Variants in LRRC7 observed in about 807,000 individuals in gnomAD.
LRRC7 encodes the protein leucine rich repeat containing 7.
In LRRC7, 23 loss-of-function variants were observed where a neutral mutation model predicts 175.7. That is an observed-to-expected ratio of 0.13 (90% CI 0.09 to 0.19). LRRC7 has a LOEUF of 0.19. LRRC7 is among the 10% of genes least tolerant of loss of function. The probability of loss-of-function intolerance (pLI) is 1.00; values close to 1 mark genes in which losing one functional copy is unlikely to be tolerated. For missense variants in LRRC7, 1,354 were observed against 1,904.7 expected (o/e 0.71, Z 5.38); for synonymous variants, 685 against 680.9 (o/e 1.01, Z -0.09).
Position 70,138,031 on chromosome 1 carries a change from T to C in LRRC7, c.*16144T>C, listed in dbSNP as rs1027339185. ...CAGCGACTGTATAATAAAGTTGAGT[T>C]CAAAAAGTGTATGAATTCAGTTATG... is the stretch of plus-strand genomic sequence containing the variant. On this transcript the variant is annotated 3_prime_UTR_variant, in exon 27 of 27. Transcript: ENST00000651989. 2.0e-5 allele frequency: 3 copies of C among 152,212 alleles called. No homozygotes were observed. Among genetic ancestry groups the C allele is most frequent in the African/African-American group, 7.2e-5 (3 of 41,458 alleles). The allele number at this position is 152,212 out of a possible 1,614,324, so 9.4% of individuals were successfully genotyped here.
At chr1:69,957,236 T>C (rs1489974850) in intron 8 of LRRC7, among the ~76,000 whole-genome samples, 1 of 151,812 alleles carries the variant, frequency 6.6e-6, no homozygotes, top group Non-Finnish European at 1.5e-5. Context: ...ATGAATGAAT[T>C]TTTATTATGA....
intron 2 of LRRC7, among the ~76,000 whole-genome samples, chr1:69,688,059 T>A (rs1321934454): frequency 2.0e-5 from 3 of 152,216 alleles, no homozygotes; most frequent in Non-Finnish European, 4.4e-5. Context: ...CTTTTGACAT[T>A]CTGTTTTCCA....
At chr1:69,956,159 G>A (rs1410190756) in intron 8 of LRRC7, among the ~76,000 whole-genome samples, 2 of 151,852 alleles carry the variant, frequency 1.3e-5, no homozygotes, top group Admixed American at 6.6e-5. Context: ...AAAGTATTTG[G>A]TCAGGTAGAC....
In LRRC7 at chr1:70,018,751, C is replaced by A. The variant is rs1179206792; in HGVS notation, c.1353C>A (p.Ala451=). Residue 451 remains alanine (A), a synonymous_variant, in exon 15 of 27, where the codon GCC becomes GCA. Coordinates refer to ENST00000651989, the MANE Select transcript of LRRC7 (RefSeq NM_001370785.2). ...CCCTTATCCCTTTACAAACAGAAGCCCATCCAGAAACAAAGCAAAGAGTAT... is the reference window on the plus strand; with the variant it reads ...CCCTTATCCCTTTACAAACAGAAGCACATCCAGAAACAAAGCAAAGAGTAT... ...SKALIPLQTE[A]HPETKQRVLT... is the part of the protein sequence containing the mutation. 1.2e-6 allele frequency: 2 copies of A among 1,612,618 alleles called. No homozygotes were observed. Among genetic ancestry groups the A allele is most frequent in the South Asian group, 1.1e-5 (1 of 91,004 alleles).
At chr1:69,879,425 C>T (rs558271280) in intron 7 of LRRC7, among the ~76,000 whole-genome samples, 41 of 152,106 alleles carry the variant, frequency 2.7e-4, no homozygotes, top group Non-Finnish European at 4.7e-4. Context: ...AAGACGGTTT[C>T]TGAGAGGCTA....
chr1:70,029,626 G>T (rs1010188496), intron 18 of LRRC7, among the ~76,000 whole-genome samples: 2 of 151,916 alleles, frequency 1.3e-5, no homozygotes, highest in Non-Finnish European at 2.9e-5. Flanking sequence ...CAAAGATCTC[G>T]CTGCAATATA....
intron 23 of LRRC7, among the ~76,000 whole-genome samples, chr1:70,064,159 C>T (rs966908329): frequency 1.9e-4 from 29 of 151,936 alleles, no homozygotes; most frequent in Admixed American, 6.6e-5. Context: ...ATCTTCCTGC[C>T]CCCTTTATTT....
rs1450563640 is a variant in LRRC7, at chr1:70,054,670, G to T, written c.4230+1525G>T. On this transcript the variant is annotated intron_variant, in intron 23 of 26. Coordinates refer to ENST00000651989, the MANE Select transcript of LRRC7 (RefSeq NM_001370785.2). Reference sequence around the variant, plus strand: ...GCAGTGGCGCGATCTCTGCTCACTTGCTCACTGCAATCTCCACCTCCCAGG... The same window carrying T: ...GCAGTGGCGCGATCTCTGCTCACTTTCTCACTGCAATCTCCACCTCCCAGG... Among the ~76,000 whole-genome samples the T allele has an allele frequency of 2.6e-5, 3 of 117,246 alleles. No homozygotes were observed. The Admixed American group carries it at 3.7e-4, about 14-fold the overall frequency. 76.9% of individuals were successfully genotyped at this position (117,246 alleles called of 152,430 possible).
At chr1:69,708,675 C>T (rs1664341783) in intron 2 of LRRC7, among the ~76,000 whole-genome samples, 1 of 152,164 alleles carries the variant, frequency 6.6e-6, no homozygotes. Context: ...AGTGGTTGTG[C>T]TGATCTCATA....
At position 70,013,472 on chromosome 1, in the gene LRRC7, G is replaced by A. The variant is rs548806649; in HGVS notation, c.1250+383G>A. On this transcript the variant is annotated intron_variant, in intron 13 of 26. Coordinates refer to ENST00000651989, the MANE Select transcript of LRRC7 (RefSeq NM_001370785.2). ...TGTATGCACACATTTGTGTTTTCAC[G>A]TCTATATTTTGGTTTCCAACAAATT... is the stretch of plus-strand genomic sequence containing the variant. Among the ~76,000 whole-genome samples, 7 of 151,906 alleles carry A rather than the reference G, an allele frequency of 4.6e-5. No homozygotes were observed. In the South Asian group the frequency reaches 6.2e-4, roughly 14 times the overall value.
chr1:69,874,434 T>C (rs1195575749), intron 7 of LRRC7: 1 of 152,130 alleles, frequency 6.6e-6, no homozygotes, highest in Non-Finnish European at 1.5e-5. Context: ...GCAAATTCAT[T>C]CTTCATCCCA....
At chr1:69,835,723 A>T (rs1354187030) in intron 6 of LRRC7, among the ~76,000 whole-genome samples, 1 of 152,038 alleles carries the variant, frequency 6.6e-6, no homozygotes, top group Non-Finnish European at 1.5e-5. Flanking sequence ...TTTATGGACA[A>T]GTTTATTGTT....
intron 2 of LRRC7, among the ~76,000 whole-genome samples, chr1:69,729,735 G>C (rs966923721): frequency 1.1e-4 from 16 of 152,158 alleles, no homozygotes; most frequent in Admixed American, 1.0e-3. Flanking sequence ...TGGATCTACT[G>C]TTCTGGGGTC....
intron 2 of LRRC7, among the ~76,000 whole-genome samples, chr1:69,717,816 AAGAAAGAAAG>A (rs1665627286): frequency 2.0e-5 from 1 of 51,018 alleles, no homozygotes; most frequent in Admixed American, 2.2e-4. Context: ...GAAAGAAAGA[AAGAAAGAAAG>A]AAAGAAAGAA....
At chr1:69,644,961 G>GA (rs1654793966) in intron 1 of LRRC7, among the ~76,000 whole-genome samples, 1 of 151,780 alleles carries the variant, frequency 6.6e-6, no homozygotes, top group Non-Finnish European at 1.5e-5. Flanking sequence ...GTCTAGAATA[G>GA]AAAAAAATTT....
intron 22 of LRRC7, among the ~76,000 whole-genome samples, chr1:70,050,768 T>C (rs538517945): frequency 6.6e-6 from 1 of 152,164 alleles, no homozygotes; most frequent in South Asian, 2.1e-4. Flanking sequence ...AATATGCACA[T>C]GATTCTCTTT....
intron 18 of LRRC7, among the ~76,000 whole-genome samples, chr1:70,032,289 G>C (rs1167993594): frequency 1.3e-5 from 2 of 151,972 alleles, no homozygotes; most frequent in African/African-American, 4.8e-5. Flanking sequence ...AGAATCAAGG[G>C]GTAGGGCTTT....
chr1:69,916,101 A>G (rs979289967), intron 7 of LRRC7, among the ~76,000 whole-genome samples: 4 of 130,074 alleles, frequency 3.1e-5, no homozygotes, highest in Non-Finnish European at 4.7e-5. Flanking sequence ...TACATATTTT[A>G]TATATAATAT....
At chr1:69,765,017 T>A (rs543341161) in intron 3 of LRRC7, among the ~76,000 whole-genome samples, 78 of 152,124 alleles carry the variant, frequency 5.1e-4, no homozygotes, top group African/African-American at 1.9e-3. Flanking sequence ...TTCAAAGACG[T>A]CTTCTAGGAA....
Sources: allele counts gnomAD v4.1 joint callset (sites outside exome capture counted in the v4.1 genomes callset), GRCh38; gene constraint gnomAD v4.1.1; transcripts MANE v1.5; gene names NCBI Gene and HGNC (gene_info 2026-07-23, HGNC 2026-07-21).